The following PCNX2 variants were observed in gnomAD, a reference collection of about 807,000 sequenced individuals.
The protein encoded by PCNX2 is pecanex 2, also known as pecanex-like protein 2.
PCNX2 carries 168 observed loss-of-function variants against 223.8 expected under a neutral mutation model. The ratio of observed to expected loss-of-function variants is 0.75; its 90% confidence interval spans 0.66 to 0.85. The LOEUF is 0.85. Ranked by LOEUF, PCNX2 falls within the 40% of genes least tolerant of loss-of-function variation. The pLI is 0.00. For missense variants in PCNX2, 2,507 were observed against 2,675.5 expected, an observed-to-expected ratio of 0.94 and a Z score of 1.39; for synonymous variants, 1,006 against 1,052.6, an observed-to-expected ratio of 0.96 and a Z score of 0.86.
Position 233,258,959 on chromosome 1 carries a change from G to C in PCNX2, c.903C>G (p.Ser301Arg), listed in dbSNP as rs781100096. 1 of 1,613,948 alleles carries C rather than the reference G, an allele frequency of 6.2e-7. No individual in the cohort carries two copies. The highest frequency in any genetic ancestry group is 8.5e-7 in the Non-Finnish European group (1 of 1,179,890). The part of the protein sequence containing the change: ...PRGSIRERVQ[S>R]KSPQDSLSSS... ...TGCTCAGGCTGTCCTGAGGTGACTT[G>C]CTTTGTACCCGTTCCCTTATGGAGC... is the stretch of plus-strand genomic sequence containing the variant. Residue 301 changes from serine (S) to arginine (R), a missense_variant, in exon 5 of 34, where the codon AGC (serine) becomes AGG (arginine). Ser to Arg is a moderately radical substitution (Grantham distance 110, BLOSUM62 -1). Around this residue, in one of 3 missense-constraint regions of PCNX2, gnomAD observed 1,031 missense variants for 1,021.7 expected, o/e 1.01. Coordinates refer to ENST00000258229, the MANE Select transcript of PCNX2 (RefSeq NM_014801.4).
At chr1:233,014,166 G>A (rs1264419389) in intron 28 of PCNX2, among the ~76,000 whole-genome samples, 1 of 152,188 alleles carries the variant, frequency 6.6e-6, no homozygotes, top group East Asian at 1.9e-4. Flanking sequence ...TACCCACTGA[G>A]GGGAGAGACC....
chr1:233,019,871 C>T (rs1185509077), intron 26 of PCNX2, among the ~76,000 whole-genome samples: 1 of 152,086 alleles, frequency 6.6e-6, no homozygotes, highest in Non-Finnish European at 1.5e-5. Context: ...AGTCGTCGGC[C>T]CAAAGTTGCA....
At chr1:233,169,691 A>G (rs1679035921) in intron 17 of PCNX2, among the ~76,000 whole-genome samples, 1 of 151,948 alleles carries the variant, frequency 6.6e-6, no homozygotes, top group South Asian at 2.1e-4. Flanking sequence ...ATTGCATATA[A>G]TAAGTATGTA....
rs545812670 is a variant in PCNX2 at position 233,217,643 on chromosome 1, A to G, written c.2691+256T>C. Among the ~76,000 whole-genome samples, 10 of 152,078 alleles carry G rather than the reference A, an allele frequency of 6.6e-5. No individual in the cohort carries two copies. The South Asian group carries it at 2.1e-3, about 32-fold the overall frequency. ...GCTCGATCTTTGTTGACTTGAATCC[A>G]GTGGGATAGGAAAGACTCTGCACAC... On this transcript the variant is annotated intron_variant, in intron 12 of 33. Transcript: ENST00000258229.
chr1:233,230,803 T>TA (rs1343256194), intron 9 of PCNX2, among the ~76,000 whole-genome samples: 1 of 152,196 alleles, frequency 6.6e-6, no homozygotes, highest in Non-Finnish European at 1.5e-5. Flanking sequence ...AAGAACAACT[T>TA]ACATTATTAT....
At chr1:233,136,147 G>A (rs1019407638) in intron 20 of PCNX2, among the ~76,000 whole-genome samples, 4 of 152,212 alleles carry the variant, frequency 2.6e-5, no homozygotes, top group South Asian at 2.1e-4. Flanking sequence ...GACAGACACT[G>A]CACATTTTCA....
intron 17 of PCNX2, among the ~76,000 whole-genome samples, chr1:233,167,463 G>A (rs1395453159): frequency 6.6e-6 from 1 of 151,990 alleles, no homozygotes; most frequent in Non-Finnish European, 1.5e-5. Context: ...CAGATATGTA[G>A]GATAAACAAC....
rs1000072231 is a variant in PCNX2, at chr1:233,286,890, C to G, written c.153+8436G>C. ...GAAAGACTGTGCCATCCTCATGTCCCTTCCTACCTGGAAATGACTGGATGA... is the reference window on the plus strand; with the variant it reads ...GAAAGACTGTGCCATCCTCATGTCCGTTCCTACCTGGAAATGACTGGATGA... On this transcript the variant is annotated intron_variant, in intron 1 of 33. Transcript: ENST00000258229. 6.4e-4 allele frequency among the ~76,000 whole-genome samples: 97 copies of G among 152,298 alleles called. 1 individual carries two copies. The highest frequency in any genetic ancestry group is 2.1e-3 in the African/African-American group (89 of 41,552).
At chr1:233,085,115 A>C (rs1197023953) in intron 23 of PCNX2, among the ~76,000 whole-genome samples, 1 of 152,170 alleles carries the variant, frequency 6.6e-6, no homozygotes, top group Admixed American at 6.5e-5. Flanking sequence ...AGGGCGGATC[A>C]CAAGATCAGG....
chr1:233,202,363 G>A, intron 13 of PCNX2: 1 of 268,716 alleles, frequency 3.7e-6, no homozygotes, highest in South Asian at 3.8e-5. Context: ...GAAACTTCTG[G>A]CACAGTTCCA....
chr1:233,325,165 T>C, the PCNX2 span, among the ~76,000 whole-genome samples: 1 of 152,190 alleles, frequency 6.6e-6, no homozygotes. Context: ...TGCTATGAGA[T>C]ATGGGCAAGG....
chr1:233,294,645 T>C (rs1192028937), intron 1 of PCNX2, among the ~76,000 whole-genome samples: 1 of 152,194 alleles, frequency 6.6e-6, no homozygotes, highest in Non-Finnish European at 1.5e-5. Flanking sequence ...AACCATTGTT[T>C]TAATTACGTA....
chr1:232,999,941 CT>C (rs1670022382), intron 30 of PCNX2, among the ~76,000 whole-genome samples: 1 of 152,186 alleles, frequency 6.6e-6, no homozygotes, highest in Non-Finnish European at 1.5e-5. Context: ...GGAATAAGGC[CT>C]TCGGATCCAG....
At chr1:233,135,724 T>G (rs1295883697) in intron 20 of PCNX2, among the ~76,000 whole-genome samples, 1 of 152,236 alleles carries the variant, frequency 6.6e-6, no homozygotes, top group Non-Finnish European at 1.5e-5. Context: ...AATAATCCAG[T>G]ATCTTCATAA....
intron 32 of PCNX2, among the ~76,000 whole-genome samples, chr1:232,995,173 G>T (rs1239965138): frequency 6.6e-6 from 1 of 152,126 alleles, no homozygotes; most frequent in African/African-American, 2.4e-5. Flanking sequence ...TACACCGGGG[G>T]GCAGAGAAAG....
chr1:233,044,311 C>T (rs1038406800), intron 25 of PCNX2, among the ~76,000 whole-genome samples: 1 of 152,056 alleles, frequency 6.6e-6, no homozygotes, highest in Admixed American at 6.6e-5. Flanking sequence ...GATATTAGCC[C>T]TTTGTCAGAT....
intron 26 of PCNX2, among the ~76,000 whole-genome samples, chr1:233,021,485 ACT>A (rs985344122): frequency 4.7e-5 from 7 of 147,964 alleles, no homozygotes; most frequent in Non-Finnish European, 7.4e-5. Context: ...ACAGAGTGAG[ACT>A]CTTTCTCAAA....
In PCNX2 at chr1:233,100,439, A is replaced by G. The variant is rs1270451012; in HGVS notation, c.3838-4576T>C. 7.0e-5 allele frequency among the ~76,000 whole-genome samples: 10 copies of G among 141,904 alleles called. No individual in the cohort carries two copies. In the East Asian group the frequency reaches 1.2e-3, roughly 17 times the overall value. 93.1% of individuals were successfully genotyped at this position (141,904 alleles called of 152,430 possible). A position where few individuals can be genotyped will look rare whatever the true frequency, so the allele number is the denominator to read the frequency against. On this transcript the variant is annotated intron_variant, in intron 21 of 33. Coordinates refer to ENST00000258229, the MANE Select transcript of PCNX2 (RefSeq NM_014801.4). Reference sequence around the variant, plus strand: ...TCTCAAAAAAAAAAAAAAAAAAAAAAGAAAATCACAATGGAGTAATTATGG... The same window carrying G: ...TCTCAAAAAAAAAAAAAAAAAAAAAGGAAAATCACAATGGAGTAATTATGG...
chr1:233,234,933 G>A lies in PCNX2; in HGVS notation c.2358+1912C>T, dbSNP rs144992743. ...TGGGCAGAGCTCACAGACCTTGTAC[G>A]GGCTGACAGTGTGTGCAGAACACAG... On this transcript the variant is annotated intron_variant, in intron 9 of 33. Transcript: ENST00000258229. Among the ~76,000 whole-genome samples, 634 of 152,108 alleles carry A rather than the reference G, an allele frequency of 4.2e-3. 7 individuals carry two copies. Among genetic ancestry groups the A allele is most frequent in the Non-Finnish European group, 5.7e-3 (386 of 67,980 alleles).
Sources: gnomAD v4.1 joint callset for allele counts (sites outside exome capture counted in the v4.1 genomes callset) on GRCh38, gnomAD v4.1.1 for gene constraint, gnomAD v4.1.1 regional missense constraint, MANE v1.5 for transcripts, NCBI Gene and HGNC (gene_info 2026-07-23, HGNC 2026-07-21) for gene names.